ST8SIA1: variants seen among roughly 807,000 people sequenced by gnomAD.
ST8SIA1 encodes ST8 alpha-N-acetyl-neuraminide alpha-2,8-sialyltransferase 1, also known as alpha-N-acetylneuraminide alpha-2,8-sialyltransferase.
A neutral mutation model predicts 35.9 loss-of-function variants in ST8SIA1; 16 were observed. The ratio of observed to expected loss-of-function variants is 0.45; its 90% CI spans 0.30 to 0.68. The LOEUF is 0.68. Ranked by LOEUF, ST8SIA1 falls within the 30% of genes least tolerant of loss-of-function variation. The pLI is 0.09. For missense variants in ST8SIA1, 383 were observed against 453.6 expected (o/e 0.84, Z 1.41); for synonymous variants, 170 against 169.6 (o/e 1.00, Z -0.02).
intron 4 of ST8SIA1, among the ~76,000 whole-genome samples, chr12:22,247,067 TCTCCCTCC>T (rs561248305): frequency 6.6e-6 from 1 of 150,654 alleles, no homozygotes; most frequent in African/African-American, 2.4e-5. Context: ...CAAAACAGTC[TCTCCCTCC>T]CTCCCTCCCT....
chr12:22,294,413 C>G (rs752872251), intron 1 of ST8SIA1, among the ~76,000 whole-genome samples: 1 of 152,124 alleles, frequency 6.6e-6, no homozygotes, highest in African/African-American at 2.4e-5. Flanking sequence ...ATTTTTCTAT[C>G]AAAATCTCTT....
chr12:22,255,198 G>A (rs1398883929), intron 3 of ST8SIA1, 82 bp downstream of exon 3: 1 of 1,134,782 alleles, frequency 8.8e-7, no homozygotes, highest in African/African-American at 1.5e-5. Flanking sequence ...CAAGTGACTA[G>A]TTTTGAAAAG....
chr12:22,286,213 A>AC (rs1187500327), intron 2 of ST8SIA1, among the ~76,000 whole-genome samples: 3 of 152,194 alleles, frequency 2.0e-5, no homozygotes, highest in African/African-American at 7.2e-5. Context: ...GCATTTTAAG[A>AC]CCATTAAACT....
chr12:22,202,089 C>T, intron 4 of ST8SIA1, 51 bp from the exon 5 acceptor site: 1 of 1,496,310 alleles, frequency 6.7e-7, no homozygotes, highest in East Asian at 2.3e-5. Flanking sequence ...AAAAGAAACT[C>T]ACCAAAACCC....
intron 2 of ST8SIA1, among the ~76,000 whole-genome samples, chr12:22,272,988 A>G (rs741369): frequency 0.092 from 14,045 of 152,264 alleles, 797 homozygotes; most frequent in East Asian, 0.15. Flanking sequence ...ATGACACAAG[A>G]GTAACATGGT....
At chr12:22,296,575 A>C (rs1229069191) in intron 1 of ST8SIA1, among the ~76,000 whole-genome samples, 4 of 152,214 alleles carry the variant, frequency 2.6e-5, no homozygotes, top group Non-Finnish European at 5.9e-5. Context: ...CAGATATGAG[A>C]AAACCCACCC....
chr12:22,206,941 T>A (rs577422306), intron 4 of ST8SIA1, among the ~76,000 whole-genome samples: 1 of 152,184 alleles, frequency 6.6e-6, no homozygotes, highest in African/African-American at 2.4e-5. Context: ...GAAAAGGCAT[T>A]TAGGTAATAA....
chr12:22,324,107 T>C (rs1866641789), intron 1 of ST8SIA1, among the ~76,000 whole-genome samples: 1 of 152,150 alleles, frequency 6.6e-6, no homozygotes, highest in South Asian at 2.1e-4. Context: ...AAATAGTAGA[T>C]AAACTAAATT....
chr12:22,302,799 T>C (rs1484154538), intron 1 of ST8SIA1, among the ~76,000 whole-genome samples: 1 of 152,118 alleles, frequency 6.6e-6, no homozygotes, highest in Non-Finnish European at 1.5e-5. Flanking sequence ...GATAAATGCA[T>C]GTCTGATTGA....
rs1865011351 is a variant in ST8SIA1 at position 22,198,250 on chromosome 12, T to C, written c.*3302A>G. 1 of 152,108 alleles carries C rather than the reference T, an allele frequency of 6.6e-6. No individual in the cohort carries two copies. The highest frequency in any genetic ancestry group is 6.6e-5 in the Admixed American group (1 of 15,262). 9.4% of individuals were successfully genotyped at this position (152,108 alleles called of 1,614,324 possible). ...GTGATGCCCCCTCTTGGCAGGTGCATCACCAAAAGTGATTAAAGATTTTCT... is the reference window on the plus strand; with the variant it reads ...GTGATGCCCCCTCTTGGCAGGTGCACCACCAAAAGTGATTAAAGATTTTCT... On this transcript the variant is annotated 3_prime_UTR_variant, in exon 5 of 5. Coordinates refer to ENST00000396037, the MANE Select transcript of ST8SIA1 (RefSeq NM_003034.4).
intron 2 of ST8SIA1, among the ~76,000 whole-genome samples, chr12:22,273,749 A>C (rs888656168): frequency 2.6e-5 from 4 of 152,122 alleles, no homozygotes; most frequent in Non-Finnish European, 4.4e-5. Flanking sequence ...AGCTGAACTC[A>C]TTCATTCATT....
intron 4 of ST8SIA1, among the ~76,000 whole-genome samples, chr12:22,238,615 C>A (rs1379064980): frequency 1.3e-5 from 2 of 152,178 alleles, no homozygotes; most frequent in East Asian, 3.8e-4. Flanking sequence ...CTGCTTAAGA[C>A]CAAAGGATGA....
intron 2 of ST8SIA1, among the ~76,000 whole-genome samples, chr12:22,271,690 G>T (rs952182348): frequency 6.6e-6 from 1 of 152,166 alleles, no homozygotes; most frequent in Non-Finnish European, 1.5e-5. Context: ...AAATACGAGA[G>T]CGCCAATCAT....
intron 2 of ST8SIA1, among the ~76,000 whole-genome samples, chr12:22,258,144 AAG>A (rs1442773604): frequency 6.6e-6 from 1 of 152,198 alleles, no homozygotes; most frequent in Admixed American, 6.5e-5. Flanking sequence ...GCAAGAGAAA[AAG>A]AGAGAAATCA....
intron 2 of ST8SIA1, among the ~76,000 whole-genome samples, chr12:22,285,047 T>C (rs1289558141): frequency 1.3e-5 from 2 of 152,226 alleles, no homozygotes; most frequent in Admixed American, 6.5e-5. Flanking sequence ...TTTTCATACA[T>C]AGAATATCCT....
intron 4 of ST8SIA1, among the ~76,000 whole-genome samples, chr12:22,209,181 C>A (rs957368304): frequency 1.3e-5 from 2 of 151,930 alleles, no homozygotes; most frequent in Admixed American, 1.3e-4. Flanking sequence ...AAAATATTTA[C>A]AACATACATG....
At chr12:22,278,267 G>A (rs1865994403) in intron 2 of ST8SIA1, among the ~76,000 whole-genome samples, 1 of 152,138 alleles carries the variant, frequency 6.6e-6, no homozygotes, top group African/African-American at 2.4e-5. Context: ...AAATTTTATA[G>A]TTTGTGTAGA....
chr12:22,249,534 G>GTT lies in ST8SIA1; in HGVS notation c.492-438_492-437dup, dbSNP rs746437115. Among the ~76,000 whole-genome samples the GTT allele has an allele frequency of 2.8e-5, 3 of 108,602 alleles. No individual in the cohort carries two copies. In the South Asian group the frequency reaches 8.2e-4, roughly 30 times the overall value. The allele number at this position is 108,602 out of a possible 152,430, so 71.2% of individuals were successfully genotyped here. The stretch of plus-strand genomic sequence containing the variant: ...TGCACCCAGCCAGTAACTGTTTTTT[G>GTT]TTTTGTTTTGTTTTGTTTTGTTTTT... On this transcript the variant is annotated intron_variant, in intron 3 of 4. Coordinates refer to ENST00000396037, the MANE Select transcript of ST8SIA1 (RefSeq NM_003034.4).
At chr12:22,214,421 C>T (rs1227861713) in intron 4 of ST8SIA1, among the ~76,000 whole-genome samples, 3 of 151,698 alleles carry the variant, frequency 2.0e-5, no homozygotes, top group African/African-American at 7.3e-5. Context: ...CTACAAAGGC[C>T]AAGTAAATTA....
Sources: allele counts gnomAD v4.1 joint callset (sites outside exome capture counted in the v4.1 genomes callset), GRCh38; gene constraint gnomAD v4.1.1; transcripts MANE v1.5; gene names NCBI Gene and HGNC (gene_info 2026-07-23, HGNC 2026-07-21).